SRBD1: variants seen among roughly 807,000 people sequenced by gnomAD.
The protein encoded by SRBD1 is S1 RNA-binding domain-containing protein 1.
SRBD1 carries 88 observed loss-of-function variants against 115.3 expected under a neutral mutation model. That is an observed-to-expected ratio of 0.76 (90% CI 0.64 to 0.91). The LOEUF is 0.91. SRBD1 is among the 40% of genes least tolerant of loss of function. SRBD1 has a pLI of 0.00. For missense variants in SRBD1, 1,385 were observed against 1,177.4 expected (o/e 1.18, Z -2.58); for synonymous variants, 509 against 407.7 (o/e 1.25, Z -2.99).
intron 16 of SRBD1, among the ~76,000 whole-genome samples, chr2:45,421,489 GGT>G (rs1667999194): frequency 8.3e-6 from 1 of 121,074 alleles, no homozygotes; most frequent in African/African-American, 3.1e-5. Flanking sequence ...CCTGGGTGAC[GGT>G]GTGAGACTCC....
At position 45,462,881 on chromosome 2, in the gene SRBD1, T is replaced by G. The variant is rs150238392; in HGVS notation, c.2049+14112A>C. Among the ~76,000 whole-genome samples the G allele has an allele frequency of 2.0e-5, 3 of 151,320 alleles. 1 individual carries two copies. Among genetic ancestry groups the G allele is most frequent in the African/African-American group, 7.3e-5 (3 of 41,074 alleles). On this transcript the variant is annotated intron_variant, in intron 16 of 20. Coordinates refer to ENST00000263736, the MANE Select transcript of SRBD1 (RefSeq NM_018079.5). Reference sequence around the variant, plus strand: ...ACCTGCCTACTATCCCACCCAAAAATAGATTTTTTAAGGTTAGTTGTTCAA... The same window carrying G: ...ACCTGCCTACTATCCCACCCAAAAAGAGATTTTTTAAGGTTAGTTGTTCAA...
At chr2:45,549,855 C>A (rs1672242227) in intron 12 of SRBD1, among the ~76,000 whole-genome samples, 1 of 151,750 alleles carries the variant, frequency 6.6e-6, no homozygotes. Flanking sequence ...AGAGCAAGAC[C>A]CTGACTCAGT....
intron 15 of SRBD1, among the ~76,000 whole-genome samples, chr2:45,477,597 T>C (rs1403926042): frequency 1.3e-5 from 2 of 152,204 alleles, no homozygotes; most frequent in African/African-American, 4.8e-5. Context: ...TTACCCTGGA[T>C]AGAGTGCAGT....
At chr2:45,484,838 T>G (rs971764724) in intron 15 of SRBD1, among the ~76,000 whole-genome samples, 2 of 152,220 alleles carry the variant, frequency 1.3e-5, no homozygotes, top group Admixed American at 1.3e-4. Context: ...CCATACAATA[T>G]GTAGTCTTTT....
intron 14 of SRBD1, among the ~76,000 whole-genome samples, chr2:45,489,646 T>C (rs1346951710): frequency 2.0e-5 from 3 of 152,170 alleles, no homozygotes; most frequent in Non-Finnish European, 2.9e-5. Context: ...GTGCATATTA[T>C]ACACAAAGCA....
chr2:45,466,364 G>A (rs1669490970), intron 16 of SRBD1, among the ~76,000 whole-genome samples: 1 of 152,028 alleles, frequency 6.6e-6, no homozygotes, highest in African/African-American at 2.4e-5. Flanking sequence ...ATCTCCTCAG[G>A]CAACCAGCTG....
At chr2:45,575,722 C>A (rs761626493) in intron 7 of SRBD1, among the ~76,000 whole-genome samples, 1 of 152,040 alleles carries the variant, frequency 6.6e-6, no homozygotes, top group Non-Finnish European at 1.5e-5. Context: ...TTTTCTTTTT[C>A]TGAGATGGAG....
chr2:45,468,850 A>G (rs932416494), intron 16 of SRBD1, among the ~76,000 whole-genome samples: 1 of 152,192 alleles, frequency 6.6e-6, no homozygotes, highest in Non-Finnish European at 1.5e-5. Flanking sequence ...TACTGCTATA[A>G]ATAATGTACA....
At chr2:45,482,313 G>C (rs1669989765) in intron 15 of SRBD1, among the ~76,000 whole-genome samples, 1 of 152,056 alleles carries the variant, frequency 6.6e-6, no homozygotes, top group Non-Finnish European at 1.5e-5. Flanking sequence ...TATGTATGAT[G>C]ATTGTCTACC....
chr2:45,591,748 T>C, intron 4 of SRBD1, among the ~76,000 whole-genome samples: 1 of 152,182 alleles, frequency 6.6e-6, no homozygotes, highest in East Asian at 1.9e-4. Flanking sequence ...AATTATCACA[T>C]TGCCTCTCTA....
rs201379192 is a variant in SRBD1 at position 45,428,555 on chromosome 2, A to T, written c.2050-8661T>A. 2.2e-3 allele frequency among the ~76,000 whole-genome samples: 332 copies of T among 150,482 alleles called. 6 individuals are homozygous for T. In the East Asian group the frequency reaches 0.028, roughly 13 times the overall value. ...CGACAGAACGAGACTCCGTCTCAAA[A>T]AAATAAATAAATAAATAAATAAATA... is the stretch of plus-strand genomic sequence containing the variant. On this transcript the variant is annotated intron_variant, in intron 16 of 20. Coordinates refer to ENST00000263736, the MANE Select transcript of SRBD1 (RefSeq NM_018079.5).
At chr2:45,520,071 G>A (rs1376549868) in intron 14 of SRBD1, among the ~76,000 whole-genome samples, 2 of 152,030 alleles carry the variant, frequency 1.3e-5, no homozygotes, top group African/African-American at 4.8e-5. Flanking sequence ...ACACTAACAG[G>A]ACAAAAGTAA....
intron 16 of SRBD1, among the ~76,000 whole-genome samples, chr2:45,431,450 T>C (rs1189418220): frequency 6.6e-6 from 1 of 152,048 alleles, no homozygotes; most frequent in Non-Finnish European, 1.5e-5. Context: ...TATGCTGCCA[T>C]AAAAAAGAAT....
Position 45,547,507 on chromosome 2 carries a change from T to C in SRBD1, c.1766+15A>G. ...TGAGCCACTGATATATTCAAAAGAT[T>C]ACTTATTTTCATACTTGAAATTCAG... On this transcript the variant is annotated intron_variant, in intron 13 of 20. Transcript: ENST00000263736. 6.2e-7 allele frequency: 1 copy of C among 1,610,518 alleles called. No homozygotes were observed. Among genetic ancestry groups the C allele is most frequent in the Non-Finnish European group, 8.5e-7 (1 of 1,177,236 alleles).
At chr2:45,550,740 A>C (rs1247599040) in intron 12 of SRBD1, among the ~76,000 whole-genome samples, 1 of 152,228 alleles carries the variant, frequency 6.6e-6, no homozygotes, top group Non-Finnish European at 1.5e-5. Flanking sequence ...AATGTAAGTA[A>C]ACAGGAAAAA....
intron 14 of SRBD1, among the ~76,000 whole-genome samples, chr2:45,512,280 C>T (rs886436896): frequency 6.6e-6 from 1 of 152,196 alleles, no homozygotes; most frequent in Non-Finnish European, 1.5e-5. Context: ...ATAGACCATA[C>T]TTCCTTAGTT....
chr2:45,503,427 C>T (rs1263703729), intron 14 of SRBD1, among the ~76,000 whole-genome samples: 1 of 152,038 alleles, frequency 6.6e-6, no homozygotes, highest in African/African-American at 2.4e-5. Context: ...AGAAACATGT[C>T]TACTTTACAA....
chr2:45,500,112 C>T (rs1270404256), intron 14 of SRBD1, among the ~76,000 whole-genome samples: 2 of 152,058 alleles, frequency 1.3e-5, no homozygotes, highest in Admixed American at 6.6e-5. Flanking sequence ...CAATATTAAT[C>T]CTCCCAATCT....
intron 1 of SRBD1, among the ~76,000 whole-genome samples, chr2:45,608,467 C>T (rs143951718): frequency 9.9e-4 from 150 of 152,174 alleles, no homozygotes; most frequent in African/African-American, 3.3e-3. Flanking sequence ...GTTTAAACAC[C>T]AATATTCTTG....
Sources: gnomAD v4.1 joint callset for allele counts (sites outside exome capture counted in the v4.1 genomes callset) on GRCh38, gnomAD v4.1.1 for gene constraint, MANE v1.5 for transcripts, NCBI Gene and HGNC (gene_info 2026-07-23, HGNC 2026-07-21) for gene names.